FAM193B: variants seen among roughly 807,000 people sequenced by gnomAD.
The protein encoded by FAM193B is family with sequence similarity 193 member B.
In FAM193B, 27 loss-of-function variants were observed where a neutral mutation model predicts 70.7. The ratio of observed to expected loss-of-function variants is 0.38; its 90% CI spans 0.28 to 0.53. FAM193B has a LOEUF of 0.53. FAM193B is among the 20% of genes least tolerant of loss of function. The pLI is 0.81. For synonymous variants in FAM193B, 448 were observed against 436.0 expected, an observed-to-expected ratio of 1.03 and a Z score of -0.34; for missense variants, 1,022 against 1,072.5, an observed-to-expected ratio of 0.95 and a Z score of 0.66.
intron 1 of FAM193B, among the ~76,000 whole-genome samples, chr5:177,548,234 A>G (rs1340125197): frequency 6.6e-6 from 1 of 152,170 alleles, no homozygotes; most frequent in Non-Finnish European, 1.5e-5. Context: ...CTTATCATAT[A>G]TATTCTAGTG....
At chr5:177,553,850 T>G (rs1200462769) in intron 1 of FAM193B, 1 of 1,274,916 alleles carries the variant, frequency 7.8e-7, no homozygotes, top group South Asian at 1.3e-5. Flanking sequence ...GGGAAGAGGC[T>G]GCAGTCGTCC....
At chr5:177,553,680 T>A (rs1036194798) in intron 1 of FAM193B, 1 of 1,287,200 alleles carries the variant, frequency 7.8e-7, no homozygotes, top group East Asian at 5.6e-5. Context: ...GGTTTCCACC[T>A]CAGTGCAGAA....
At position 177,524,932 on chromosome 5, in the gene FAM193B, G is replaced by T. The variant is rs370017170; in HGVS notation, c.1549C>A (p.Pro517Thr). Residue 517 changes from proline to threonine, a missense_variant, in exon 6 of 9, where the codon CCC becomes ACC. Transcript: ENST00000514747. ...AAEPEPQSLPPSNLSGSSEQQ... is the reference protein window; with the variant it reads ...AAEPEPQSLPTSNLSGSSEQQ... ...TCTGAGGAGCCACTGAGGTTTGAGG[G>T]GGGTAGACTCTGAGGCTCAGGCTCA... 4.0e-6 allele frequency: 6 copies of T among 1,506,808 alleles called. No homozygotes were observed. Among genetic ancestry groups the T allele is most frequent in the Non-Finnish European group, 4.4e-6 (5 of 1,129,510 alleles). 93.3% of individuals were successfully genotyped at this position (1,506,808 alleles called of 1,614,324 possible).
intron 4 of FAM193B, among the ~76,000 whole-genome samples, chr5:177,534,154 A>T (rs1237049601): frequency 6.6e-6 from 1 of 152,238 alleles, no homozygotes; most frequent in Non-Finnish European, 1.5e-5. Flanking sequence ...AGTCCAAAGC[A>T]GCCCTCTCTG....
chr5:177,539,611 T>C (rs1764604425), intron 1 of FAM193B, among the ~76,000 whole-genome samples: 1 of 152,224 alleles, frequency 6.6e-6, no homozygotes, highest in South Asian at 2.1e-4. Flanking sequence ...ATGTGTGGGT[T>C]TTCTGAAGAA....
chr5:177,545,279 A>G (rs1197023967), intron 1 of FAM193B, among the ~76,000 whole-genome samples: 1 of 152,220 alleles, frequency 6.6e-6, no homozygotes, highest in Non-Finnish European at 1.5e-5. Context: ...CCTGACCTCA[A>G]GTGATCCGCC....
At position 177,537,941 on chromosome 5, in the gene FAM193B, A is replaced by G; in HGVS notation, c.620T>C (p.Leu207Pro). 1 of 1,582,934 alleles carries G rather than the reference A, an allele frequency of 6.3e-7. No individual in the cohort carries two copies. The highest frequency in any genetic ancestry group is 8.6e-7 in the Non-Finnish European group (1 of 1,164,488). ...SFLSAHKLSG[L>P]WNSPHSSGAM... ...CCCACTGGAATGTGGGGAATTCCAGAGGCCCGAGAGCTTATGTGCCGACAG... is the reference window on the plus strand; with the variant it reads ...CCCACTGGAATGTGGGGAATTCCAGGGGCCCGAGAGCTTATGTGCCGACAG... The change falls in exon 3 of 9, where the codon CTC becomes CCC. Residue 207 changes from leucine (L) to proline (P), a missense_variant. Leu to Pro is a moderately conservative substitution (Grantham distance 98, BLOSUM62 -3). Transcript: ENST00000514747.
At chr5:177,545,805 C>T (rs1452041116) in intron 1 of FAM193B, among the ~76,000 whole-genome samples, 1 of 152,224 alleles carries the variant, frequency 6.6e-6, no homozygotes. Context: ...TTCCAGCACT[C>T]AGCGTGGCCT....
At chr5:177,550,763 G>A (rs963248165) in intron 1 of FAM193B, among the ~76,000 whole-genome samples, 4 of 152,344 alleles carry the variant, frequency 2.6e-5, no homozygotes, top group Non-Finnish European at 2.9e-5. Context: ...CACAGCTCCT[G>A]CCCCCTCTCT....
intron 4 of FAM193B, among the ~76,000 whole-genome samples, chr5:177,535,167 C>CTG (rs1561768885): frequency 6.6e-6 from 1 of 152,250 alleles, no homozygotes; most frequent in Non-Finnish European, 1.5e-5. Context: ...TTTAGAGACA[C>CTG]TGTTGGTAAT....
chr5:177,522,106 C>CA (rs1561744236), intron 7 of FAM193B, 35 bp from the exon 8 acceptor site: 2 of 1,556,078 alleles, frequency 1.3e-6, no homozygotes, highest in Admixed American at 1.7e-5. Context: ...GAAGCACAAT[C>CA]AGAGGTTCAT....
In FAM193B at chr5:177,553,989, C is replaced by G; in HGVS notation, c.210+260G>C. The stretch of plus-strand genomic sequence containing the variant: ...CAGTCCCAGTCCCAGTGTGGGTGTA[C>G]GGCCGGAACGCCCGGAGGCGGCGGG... On this transcript the variant is annotated intron_variant, in intron 1 of 8. Transcript: ENST00000514747. 2.4e-6 allele frequency: 3 copies of G among 1,267,974 alleles called. No individual in the cohort carries two copies. In the South Asian group the frequency reaches 4.8e-5, roughly 20 times the overall value. The allele number at this position is 1,267,974 out of a possible 1,614,324, so 78.5% of individuals were successfully genotyped here.
At chr5:177,535,052 CA>C (rs1174591723) in intron 4 of FAM193B, among the ~76,000 whole-genome samples, 3 of 152,094 alleles carry the variant, frequency 2.0e-5, no homozygotes, top group Non-Finnish European at 2.9e-5. Context: ...TCAAAGAGAA[CA>C]AAAAACACCT....
At position 177,538,942 on chromosome 5, in the gene FAM193B, T is replaced by G; in HGVS notation, c.416A>C (p.Glu139Ala). The G allele has an allele frequency of 1.2e-6, 2 of 1,614,066 alleles. No individual in the cohort carries two copies. The highest frequency in any genetic ancestry group is 1.7e-6 in the Non-Finnish European group (2 of 1,179,902). Reference protein sequence around the residue: ...VCQSCRKSMEEDERQTGREHA... With the variant: ...VCQSCRKSMEADERQTGREHA... ...TTCTCGACCTGTCTGCCTTTCATCT[T>G]CCTCCATGCTCTTTCGGCAACTCTG... The change falls in exon 2 of 9, where the codon GAA (glutamate) becomes GCA (alanine). Residue 139 changes from glutamate (E) to alanine (A), a missense_variant. Glu to Ala is a moderately radical substitution (Grantham distance 107, BLOSUM62 -1). Coordinates refer to ENST00000514747, the MANE Select transcript of FAM193B (RefSeq NM_001190946.3). This position sits in a 1 kb window ranked among gnomAD's most constrained non-coding sequence, Gnocchi z 4.1.
chr5:177,528,320 G>A (rs144319971), intron 5 of FAM193B, among the ~76,000 whole-genome samples: 5 of 152,320 alleles, frequency 3.3e-5, no homozygotes, highest in East Asian at 1.9e-4. Context: ...TGAGCTAATG[G>A]GTGGAAGGGA....
In FAM193B at chr5:177,521,004, G is replaced by C. The variant is rs747950057; in HGVS notation, c.*2-823C>G. On this transcript the variant is annotated intron_variant, in intron 8 of 8. Coordinates refer to ENST00000514747, the MANE Select transcript of FAM193B (RefSeq NM_001190946.3). ...GGGGAGCTGAGGGTCCAGGAAGTTTGCTGCTTAGGCCCAGAGAGGAGCTGG... is the reference window on the plus strand; with the variant it reads ...GGGGAGCTGAGGGTCCAGGAAGTTTCCTGCTTAGGCCCAGAGAGGAGCTGG... Among the ~76,000 whole-genome samples, 3 of 152,320 alleles carry C rather than the reference G, an allele frequency of 2.0e-5. No homozygotes were observed. The East Asian group carries it at 5.8e-4, about 29-fold the overall frequency.
Position 177,537,993 on chromosome 5 carries a change from A to G in FAM193B, c.568T>C (p.Ser190Pro). The change falls in exon 3 of 9, where the codon TCG becomes CCG. Residue 190 changes from serine (S) to proline (P), a missense_variant. By Grantham distance (74) the Ser-to-Pro change is moderately conservative. Transcript: ENST00000514747. ...AACGAGCTAGGATCCCAGTCTCCCGAGTTCCCAGGGCAGGAAGAGGAGGAC... is the reference window on the plus strand; with the variant it reads ...AACGAGCTAGGATCCCAGTCTCCCGGGTTCCCAGGGCAGGAAGAGGAGGAC... Reference protein sequence around the residue: ...SSSSSSCPGNSGDWDPSSFLS... With the variant: ...SSSSSSCPGNPGDWDPSSFLS... 6.4e-7 allele frequency: 1 copy of G among 1,559,284 alleles called. No individual in the cohort carries two copies. The highest frequency in any genetic ancestry group is 1.2e-5 in the South Asian group (1 of 84,482).
intron 5 of FAM193B, among the ~76,000 whole-genome samples, chr5:177,528,096 C>A (rs1023423400): frequency 1.3e-5 from 2 of 152,204 alleles, no homozygotes; most frequent in African/African-American, 4.8e-5. Context: ...GTCAGAGGGG[C>A]AGGCAAGACA....
At chr5:177,553,990 G>A (rs775479072) in intron 1 of FAM193B, 1 of 1,271,528 alleles carries the variant, frequency 7.9e-7, no homozygotes, top group Admixed American at 3.5e-5. Flanking sequence ...GTGGGTGTAC[G>A]GCCGGAACGC....
Sources: allele counts gnomAD v4.1 joint callset (sites outside exome capture counted in the v4.1 genomes callset), GRCh38; gene constraint gnomAD v4.1.1; non-coding constraint Gnocchi (gnomAD v3.1); transcripts MANE v1.5; gene names NCBI Gene and HGNC (gene_info 2026-07-23, HGNC 2026-07-21).